CRTAC1: variants seen among roughly 807,000 people sequenced by gnomAD.
The protein encoded by CRTAC1 is cartilage acidic protein 1, also known as acidic secreted protein in cartilage.
In CRTAC1, 37 loss-of-function variants were observed where a neutral mutation model predicts 67.8. That is an observed-to-expected ratio of 0.55 (90% CI 0.42 to 0.72). The LOEUF is 0.72. CRTAC1 is among the 30% of genes least tolerant of loss of function. CRTAC1 has a pLI of 0.00. For synonymous variants in CRTAC1, 348 were observed against 371.0 expected (o/e 0.94, Z 0.71); for missense variants, 780 against 931.6 (o/e 0.84, Z 2.12).
At chr10:97,870,746 G>T (rs766004551) in intron 14 of CRTAC1, 11 of 152,100 alleles carry the variant, frequency 7.2e-5, no homozygotes, top group Non-Finnish European at 1.5e-4. Context: ...GTGTGTGTGT[G>T]TGTGTGTGTG....
rs1041266564 is a variant in CRTAC1, at chr10:97,865,474, T to C, written c.*74A>G. 14 of 1,537,284 alleles carry C rather than the reference T, an allele frequency of 9.1e-6. No individual in the cohort carries two copies. The highest frequency in any genetic ancestry group is 1.2e-5 in the Non-Finnish European group (14 of 1,133,744). On this transcript the variant is annotated 3_prime_UTR_variant, in exon 15 of 15. Coordinates refer to ENST00000370597, the MANE Select transcript of CRTAC1 (RefSeq NM_018058.7). ...CTCCCAGGCCTTTACATCCCTACTG[T>C]CTAGGCAGCAGCACAAGCCCACTTT...
In CRTAC1 at chr10:97,896,985, G is replaced by T; in HGVS notation, c.1140C>A (p.Ile380=). 2.6e-6 allele frequency: 4 copies of T among 1,556,774 alleles called. No individual in the cohort carries two copies. Among genetic ancestry groups the T allele is most frequent in the Non-Finnish European group, 3.5e-6 (4 of 1,149,396 alleles). Residue 380 remains isoleucine, a synonymous_variant, in exon 9 of 15, where the codon ATC becomes ATA. Transcript: ENST00000370597. ...TGAGGGGGTCTCCGTGCTCTCTACG[G>T]ATGACGCTGCAGGAGAGGAGACAGG... ...SSSANRLFRV[I]RREHGDPLIE...
intron 8 of CRTAC1, among the ~76,000 whole-genome samples, chr10:97,901,276 A>G (rs2136565345): frequency 6.6e-6 from 1 of 152,260 alleles, no homozygotes; most frequent in East Asian, 1.9e-4. Context: ...TCCCTGCAAT[A>G]GCAGAGGCCG....
In CRTAC1 at chr10:97,909,309, C is replaced by T. The variant is rs551712796; in HGVS notation, c.716-1162G>A. 2.6e-5 allele frequency among the ~76,000 whole-genome samples: 4 copies of T among 152,222 alleles called. No individual in the cohort carries two copies. The East Asian group carries it at 7.7e-4, about 29-fold the overall frequency. On this transcript the variant is annotated intron_variant, in intron 5 of 14. Coordinates refer to ENST00000370597, the MANE Select transcript of CRTAC1 (RefSeq NM_018058.7). Reference sequence around the variant, plus strand: ...GAGAAAGCCTTCCCTCAGCCACGCCCCCAAACGCTGGAAATACTGTGCAGA... The same window carrying T: ...GAGAAAGCCTTCCCTCAGCCACGCCTCCAAACGCTGGAAATACTGTGCAGA...
At chr10:97,949,730 A>G (rs770318401) in intron 2 of CRTAC1, among the ~76,000 whole-genome samples, 16 of 152,024 alleles carry the variant, frequency 1.1e-4, no homozygotes, top group Non-Finnish European at 1.8e-4. Context: ...CTGCTCTGCA[A>G]CTCTTCAGCT....
Position 97,917,510 on chromosome 10 carries a change from G to T in CRTAC1, c.705C>A (p.Ser235Arg). The change falls in exon 5 of 15, where the codon AGC becomes AGA. Residue 235 changes from serine (S) to arginine (R), a missense_variant. Transcript: ENST00000370597. ...TGTCACTCTGCATACCTGTATATTT[G>T]CTGACCCCAGCCTCAGCAGCCACAT... ...LRDVAAEAGV[S>R]KYTGGRGVSV... 1 of 1,576,882 alleles carries T rather than the reference G, an allele frequency of 6.3e-7. No individual in the cohort carries two copies. Among genetic ancestry groups the T allele is most frequent in the South Asian group, 1.2e-5 (1 of 84,130 alleles).
intron 2 of CRTAC1, among the ~76,000 whole-genome samples, chr10:97,996,941 T>C (rs1365534670): frequency 6.6e-6 from 1 of 151,984 alleles, no homozygotes; most frequent in Non-Finnish European, 1.5e-5. Context: ...TGTAGGGACA[T>C]GGATGAAATT....
intron 2 of CRTAC1, among the ~76,000 whole-genome samples, chr10:97,967,753 C>T (rs911899593): frequency 1.3e-5 from 2 of 152,036 alleles, no homozygotes; most frequent in Admixed American, 6.5e-5. Flanking sequence ...GTAGTAAGTG[C>T]TCCCTCACTG....
chr10:98,012,376 C>A (rs1471533697), intron 1 of CRTAC1, among the ~76,000 whole-genome samples: 1 of 151,318 alleles, frequency 6.6e-6, no homozygotes, highest in Non-Finnish European at 1.5e-5. Context: ...TGAGACTCTA[C>A]CTGCAGGCCT....
intron 7 of CRTAC1, among the ~76,000 whole-genome samples, chr10:97,902,700 G>C (rs1210209045): frequency 6.6e-6 from 1 of 152,200 alleles, no homozygotes; most frequent in Non-Finnish European, 1.5e-5. Context: ...GGCTGAGAAA[G>C]GTACAGGTGG....
At chr10:97,878,526 T>A in intron 14 of CRTAC1, 8 of 1,114,862 alleles carry the variant, frequency 7.2e-6, no homozygotes, top group Non-Finnish European at 9.2e-6. Flanking sequence ...TGGGATGACT[T>A]TTTTTCCCCA....
At chr10:97,921,403 T>C (rs976457145) in intron 4 of CRTAC1, among the ~76,000 whole-genome samples, 1 of 152,168 alleles carries the variant, frequency 6.6e-6, no homozygotes, top group African/African-American at 2.4e-5. Flanking sequence ...ATCTTCATTT[T>C]CAGGCAGGCA....
chr10:97,993,576 T>A (rs527413524), intron 2 of CRTAC1, among the ~76,000 whole-genome samples: 1 of 152,338 alleles, frequency 6.6e-6, no homozygotes, highest in South Asian at 2.1e-4. Context: ...TAGGGTAGGC[T>A]TGTAGAATTT....
chr10:97,942,447 C>A (rs1384386610), intron 2 of CRTAC1, among the ~76,000 whole-genome samples: 3 of 152,142 alleles, frequency 2.0e-5, no homozygotes, highest in Non-Finnish European at 4.4e-5. Flanking sequence ...TGAAAAAGAG[C>A]TTTCAGCACC....
chr10:97,903,452 C>A (rs986450734), intron 7 of CRTAC1, among the ~76,000 whole-genome samples: 16 of 151,880 alleles, frequency 1.1e-4, no homozygotes, highest in African/African-American at 3.4e-4. Flanking sequence ...GGGCTCAGGG[C>A]ATGCCTCTTC....
intron 14 of CRTAC1, chr10:97,870,940 AG>A (rs2050086718): frequency 6.6e-6 from 1 of 152,240 alleles, no homozygotes; most frequent in African/African-American, 2.4e-5. Context: ...AGATTCTCAA[AG>A]GGGTATGCAA....
chr10:97,961,960 T>C (rs1224288963), intron 2 of CRTAC1, among the ~76,000 whole-genome samples: 1 of 152,234 alleles, frequency 6.6e-6, no homozygotes, highest in Non-Finnish European at 1.5e-5. Context: ...CTCCTTTATG[T>C]CTGCTCTCTT....
chr10:97,912,874 C>T (rs984267373), intron 5 of CRTAC1, among the ~76,000 whole-genome samples: 1 of 152,166 alleles, frequency 6.6e-6, no homozygotes, highest in Non-Finnish European at 1.5e-5. Context: ...AATGCATCCT[C>T]CAGGGTGGAC....
chr10:98,030,464 C>T lies in CRTAC1; in HGVS notation c.9G>A (p.Pro3=). The change falls in exon 1 of 15, where the codon CCG becomes CCA. Residue 3 remains proline, a synonymous_variant. Transcript: ENST00000370597. The surrounding 1 kb of genome is among the most constrained non-coding windows in gnomAD (Gnocchi z 4.2). Reference sequence around the variant, plus strand: ...AGATACTCACGCCGGGGTCAGCGCTCGGAGCCATCCTCCCGCTCTCGGCCC... The same window carrying T: ...AGATACTCACGCCGGGGTCAGCGCTTGGAGCCATCCTCCCGCTCTCGGCCC... The part of the protein sequence containing the change: MA[P]SADPGMSRML... The T allele has an allele frequency of 5.6e-6, 7 of 1,249,276 alleles. No homozygotes were observed. The highest frequency in any genetic ancestry group is 6.1e-6 in the Non-Finnish European group (6 of 988,926). The allele number at this position is 1,249,276 out of a possible 1,614,324, so 77.4% of individuals were successfully genotyped here.
Sources: gnomAD v4.1 joint callset for allele counts (sites outside exome capture counted in the v4.1 genomes callset) on GRCh38, gnomAD v4.1.1 for gene constraint, Gnocchi (gnomAD v3.1) non-coding constraint, MANE v1.5 for transcripts, NCBI Gene and HGNC (gene_info 2026-07-23, HGNC 2026-07-21) for gene names.